SLC24A2: variants seen among roughly 807,000 people sequenced by gnomAD.
SLC24A2 encodes the protein solute carrier family 24 member 2.
SLC24A2 carries 36 observed loss-of-function variants against 62.0 expected under a neutral mutation model. The observed-to-expected ratio is 0.58, with a 90% confidence interval of 0.44 to 0.77. The LOEUF (loss-of-function observed/expected upper bound fraction) is 0.77, where lower values mean the gene tolerates loss of function less well. Ranked by LOEUF, SLC24A2 falls within the 30% of genes least tolerant of loss-of-function variation. The pLI, the probability that SLC24A2 is intolerant of heterozygous loss-of-function variation, is 0.00. For synonymous variants in SLC24A2, 358 were observed against 294.0 expected, an observed-to-expected ratio of 1.22 and a Z score of -2.23; for missense variants, 846 against 817.9, an observed-to-expected ratio of 1.03 and a Z score of -0.42.
chr9:20,164,450 G>A, the SLC24A2 span, among the ~76,000 whole-genome samples: 1 of 152,038 alleles, frequency 6.6e-6, no homozygotes, highest in Non-Finnish European at 1.5e-5. Context: ...TCTCACACCA[G>A]TTAGAATGGC....
chr9:19,630,181 CATTT>C (rs1237655744), intron 2 of SLC24A2, among the ~76,000 whole-genome samples: 1 of 152,108 alleles, frequency 6.6e-6, no homozygotes, highest in Non-Finnish European at 1.5e-5. Flanking sequence ...TTTTATCACA[CATTT>C]ATTAATTCTA....
the SLC24A2 span, among the ~76,000 whole-genome samples, chr9:20,187,951 T>C: frequency 6.6e-6 from 1 of 152,212 alleles, no homozygotes; most frequent in Admixed American, 6.5e-5. Context: ...CTTTAACAGT[T>C]AGACTGTGCA....
chr9:19,843,699 C>A, the SLC24A2 span, among the ~76,000 whole-genome samples: 1 of 152,122 alleles, frequency 6.6e-6, no homozygotes, highest in South Asian at 2.1e-4. Flanking sequence ...TTCTATTAGT[C>A]CCCAGTATTT....
intron 2 of SLC24A2, among the ~76,000 whole-genome samples, chr9:19,699,833 G>A (rs1048871601): frequency 6.6e-6 from 1 of 151,074 alleles, no homozygotes; most frequent in African/African-American, 2.4e-5. Flanking sequence ...TTTTTTTTCT[G>A]ACTAGATGAT....
intron 7 of SLC24A2, among the ~76,000 whole-genome samples, chr9:19,571,287 C>G (rs1213256500): frequency 6.6e-6 from 1 of 152,148 alleles, no homozygotes; most frequent in Non-Finnish European, 1.5e-5. Flanking sequence ...GCAGAGGAGA[C>G]AAGGGCAGAA....
chr9:20,038,038 C>G, the SLC24A2 span, among the ~76,000 whole-genome samples: 1 of 152,202 alleles, frequency 6.6e-6, no homozygotes, highest in Non-Finnish European at 1.5e-5. Flanking sequence ...TCTCCATTAT[C>G]TGAGAGTATA....
the SLC24A2 span, among the ~76,000 whole-genome samples, chr9:19,874,075 C>CTTTTTTTTTTTTTTTTT: frequency 1.0e-4 from 11 of 107,278 alleles, no homozygotes; most frequent in East Asian, 5.2e-4. Context: ...CTTTTCTTTT[C>CTTTTTTTTTTTTTTTTT]TTTTTTTTTT....
At position 19,510,434 on chromosome 9, in the gene SLC24A2, CCAAAAAAAAAAAAAAAAAAAA is replaced by C. The variant is rs1832674319; in HGVS notation, c.*5698_*5718del. ...AGTGCCCAGATGCAGTTACTTTTTG[CCAAAAAAAAAAAAAAAAAAAA>C]AAAAAGTTAAGTCATTAAGTGGATG... On this transcript the variant is annotated 3_prime_UTR_variant, in exon 11 of 11. Coordinates refer to ENST00000341998, the MANE Select transcript of SLC24A2 (RefSeq NM_020344.4). The C allele has an allele frequency of 5.0e-4, 20 of 40,374 alleles. No individual in the cohort carries two copies. The highest frequency in any genetic ancestry group is 5.8e-4 in the Non-Finnish European group (13 of 22,540). The allele number at this position is 40,374 out of a possible 1,614,324, so 2.5% of individuals were successfully genotyped here.
intron 5 of SLC24A2, among the ~76,000 whole-genome samples, chr9:19,595,367 T>C (rs1468435444): frequency 6.6e-6 from 1 of 152,210 alleles, no homozygotes; most frequent in Non-Finnish European, 1.5e-5. Context: ...TTTGCAGTTA[T>C]TACCCATCAC....
At chr9:19,585,840 C>T (rs1009435927) in intron 5 of SLC24A2, among the ~76,000 whole-genome samples, 2 of 152,160 alleles carry the variant, frequency 1.3e-5, no homozygotes, top group African/African-American at 4.8e-5. Context: ...TGTGCCCATT[C>T]AGGCTTTCTT....
the SLC24A2 span, among the ~76,000 whole-genome samples, chr9:20,200,382 A>C: frequency 6.6e-6 from 1 of 152,334 alleles, no homozygotes; most frequent in East Asian, 1.9e-4. Context: ...CCAAGAAACC[A>C]TTCCTATACT....
At chr9:20,176,909 T>TGAGGTGGGTGGA in the SLC24A2 span, among the ~76,000 whole-genome samples, 2 of 151,384 alleles carry the variant, frequency 1.3e-5, no homozygotes, top group Non-Finnish European at 1.5e-5. Context: ...ATCTAAAGTG[T>TGAGGTGGGTGGA]GAGGATGGAG....
chr9:19,530,037 G>A (rs1395436275), intron 8 of SLC24A2, among the ~76,000 whole-genome samples: 3 of 149,650 alleles, frequency 2.0e-5, no homozygotes, highest in African/African-American at 7.4e-5. Flanking sequence ...ACAGGTGTAA[G>A]CCACCGCACC....
chr9:19,987,416 A>T, the SLC24A2 span, among the ~76,000 whole-genome samples: 3 of 152,278 alleles, frequency 2.0e-5, no homozygotes, highest in Admixed American at 6.5e-5. Flanking sequence ...TTAGTAAATT[A>T]ATTTTTGCCA....
chr9:19,822,371 G>A, the SLC24A2 span, among the ~76,000 whole-genome samples: 9 of 152,162 alleles, frequency 5.9e-5, no homozygotes, highest in Non-Finnish European at 1.0e-4. Context: ...ATTGATGATA[G>A]GAATCTTTTC....
intron 2 of SLC24A2, among the ~76,000 whole-genome samples, chr9:19,672,387 T>C (rs1004951116): frequency 6.8e-6 from 1 of 146,696 alleles, no homozygotes; most frequent in Non-Finnish European, 1.5e-5. Flanking sequence ...TCCGTTGTAA[T>C]AGCTCCTGTT....
the SLC24A2 span, among the ~76,000 whole-genome samples, chr9:19,899,973 G>A: frequency 2.0e-5 from 3 of 152,030 alleles, no homozygotes; most frequent in African/African-American, 7.2e-5. Context: ...ATGTGTGTGG[G>A]GACACAGCCA....
the SLC24A2 span, among the ~76,000 whole-genome samples, chr9:20,169,925 C>A: frequency 1.3e-5 from 2 of 151,670 alleles, no homozygotes; most frequent in Admixed American, 6.6e-5. Context: ...TTAAATAAAT[C>A]AAAAAAGTGA....
At chr9:19,790,718 C>T (rs1361040308), upstream of SLC24A2, among the ~76,000 whole-genome samples, 2 of 152,092 alleles carry the variant, frequency 1.3e-5, no homozygotes, top group African/African-American at 2.4e-5. Context: ...TTTGCCTTTT[C>T]TATACAAATT....
Sources: gnomAD v4.1 joint callset for allele counts (sites outside exome capture counted in the v4.1 genomes callset) on GRCh38, gnomAD v4.1.1 for gene constraint, MANE v1.5 for transcripts, NCBI Gene and HGNC (gene_info 2026-07-23, HGNC 2026-07-21) for gene names.